CPED1: variants seen among roughly 807,000 people sequenced by gnomAD.
The protein encoded by CPED1 is cadherin like and PC-esterase domain containing 1.
Under a neutral mutation model 128.2 loss-of-function variants are expected in CPED1, and 114 were observed. The ratio of observed to expected loss-of-function variants is 0.89; its 90% CI spans 0.76 to 1.04. The LOEUF is 1.04. Ranked by LOEUF, CPED1 falls within the 50% of genes least tolerant of loss-of-function variation. CPED1 has a pLI of 0.00. For synonymous variants in CPED1, 462 were observed against 426.7 expected (o/e 1.08, Z -1.02); for missense variants, 1,211 against 1,207.1 (o/e 1.00, Z -0.05).
chr7:121,288,256 G>C (rs990228618), intron 22 of CPED1, among the ~76,000 whole-genome samples: 9 of 152,044 alleles, frequency 5.9e-5, no homozygotes, highest in African/African-American at 2.2e-4. Context: ...CTTAACAAAG[G>C]GATTAGGAAA....
At chr7:121,262,374 G>A (rs1792038549) in intron 18 of CPED1, among the ~76,000 whole-genome samples, 1 of 152,032 alleles carries the variant, frequency 6.6e-6, no homozygotes, top group Non-Finnish European at 1.5e-5. Context: ...AGCTTTTGTA[G>A]AGCCTAGGAA....
chr7:121,107,643 T>G (rs1416710779), intron 7 of CPED1, among the ~76,000 whole-genome samples: 1 of 152,092 alleles, frequency 6.6e-6, no homozygotes, highest in Non-Finnish European at 1.5e-5. Context: ...TCTCCAAAAA[T>G]TAATCGCTTT....
At chr7:121,055,173 G>C (rs2721345) in intron 4 of CPED1, among the ~76,000 whole-genome samples, 119,512 of 151,720 alleles carry the variant, frequency 0.79, 47,236 homozygotes, top group Admixed American at 0.86. Context: ...CCTTTGCATA[G>C]AGGTTTCTGT....
rs1795777144 is a variant in CPED1 at position 121,136,049 on chromosome 7, C to T, written c.1658C>T (p.Pro553Leu). 5 of 1,518,370 alleles carry T rather than the reference C, an allele frequency of 3.3e-6. No homozygotes were observed. The highest frequency in any genetic ancestry group is 2.7e-5 in the South Asian group (2 of 74,364). 94.1% of individuals were successfully genotyped at this position (1,518,370 alleles called of 1,614,324 possible). A position where few individuals can be genotyped will look rare whatever the true frequency, so the allele number is the denominator to read the frequency against. Residue 553 changes from proline (P) to leucine (L), a missense_variant, in exon 14 of 23, where the codon CCA (proline) becomes CTA (leucine). Transcript: ENST00000310396. The part of the protein sequence containing the change: ...DAIENKKAAV[P>L]QIKNENKEIH... ...TTCTTTTTTTTTTTAGCTGCAGTTC[C>T]ACAAATTAAAAATGAAAATAAAGAA...
chr7:121,258,781 A>G (rs896197630), intron 18 of CPED1, among the ~76,000 whole-genome samples: 1 of 152,098 alleles, frequency 6.6e-6, no homozygotes, highest in Non-Finnish European at 1.5e-5. Context: ...GCCTTCCTGA[A>G]GACTTTCAAT....
chr7:121,226,072 G>T (rs1798002837), intron 16 of CPED1, among the ~76,000 whole-genome samples: 1 of 152,142 alleles, frequency 6.6e-6, no homozygotes, highest in Admixed American at 6.5e-5. Context: ...CTGGTTTTTA[G>T]AATTTTCAGC....
chr7:121,079,837 C>T (rs1414797651), intron 5 of CPED1, among the ~76,000 whole-genome samples: 1 of 152,198 alleles, frequency 6.6e-6, no homozygotes, highest in Non-Finnish European at 1.5e-5. Flanking sequence ...AGACACTTAC[C>T]TATTTCACTT....
intron 16 of CPED1, among the ~76,000 whole-genome samples, chr7:121,223,126 T>C (rs1797923603): frequency 6.6e-6 from 1 of 152,242 alleles, no homozygotes; most frequent in African/African-American, 2.4e-5. Context: ...TTGAGATACG[T>C]TCCATCAATA....
intron 16 of CPED1, among the ~76,000 whole-genome samples, chr7:121,189,793 T>TATATATATATAA: frequency 1.4e-5 from 1 of 73,366 alleles, no homozygotes; most frequent in Non-Finnish European, 3.1e-5. Flanking sequence ...TATATATATA[T>TATATATATATAA]ATATAAAATT....
At position 121,124,422 on chromosome 7, in the gene CPED1, C is replaced by A. The variant is rs148370748; in HGVS notation, c.1010C>A (p.Ala337Glu). 1.9e-6 allele frequency: 3 copies of A among 1,606,624 alleles called. No individual in the cohort carries two copies. Among genetic ancestry groups the A allele is most frequent in the Non-Finnish European group, 2.6e-6 (3 of 1,175,712 alleles). The change falls in exon 8 of 23, where the codon GCG (alanine) becomes GAG (glutamate). Residue 337 changes from alanine to glutamate, a missense_variant. Physicochemically the swap from Ala to Glu is moderately radical, Grantham distance 107. Coordinates refer to ENST00000310396, the MANE Select transcript of CPED1 (RefSeq NM_024913.5). ...MKEAIGKLLLAAEVFSETSTL... is the reference protein window; with the variant it reads ...MKEAIGKLLLEAEVFSETSTL... ...GAAGCAATTGGCAAACTACTGCTAG[C>A]GGCTGAAGTATTCAGTGAAACATCT...
chr7:121,148,300 A>G (rs528548880), intron 16 of CPED1, among the ~76,000 whole-genome samples: 65 of 152,334 alleles, frequency 4.3e-4, no homozygotes, highest in Middle Eastern at 6.8e-3. Flanking sequence ...TACAAATAGC[A>G]GCAAAGCAGC....
chr7:121,128,574 A>AT (rs1477840847), intron 11 of CPED1, 88 bp downstream of exon 11: 2 of 717,518 alleles, frequency 2.8e-6, no homozygotes, highest in Admixed American at 4.4e-5. Flanking sequence ...ATCAAACTAG[A>AT]TTAAGTATTT....
At chr7:121,255,433 C>G (rs1798779633) in intron 18 of CPED1, among the ~76,000 whole-genome samples, 1 of 152,042 alleles carries the variant, frequency 6.6e-6, no homozygotes. Context: ...TAAGAGCCAT[C>G]TATGACAAAC....
intron 7 of CPED1, among the ~76,000 whole-genome samples, chr7:121,122,168 T>A (rs1248622952): frequency 6.4e-5 from 8 of 124,168 alleles, no homozygotes; most frequent in Non-Finnish European, 1.3e-4. Flanking sequence ...TGAGACAGAG[T>A]CTCGCTCTGT....
intron 7 of CPED1, among the ~76,000 whole-genome samples, chr7:121,121,121 A>G (rs1795376675): frequency 6.6e-6 from 1 of 152,126 alleles, no homozygotes; most frequent in South Asian, 2.1e-4. Context: ...AGAAATAATG[A>G]GGCGGAACCC....
intron 3 of CPED1, among the ~76,000 whole-genome samples, chr7:121,023,730 T>C (rs1044926439): frequency 6.6e-6 from 1 of 152,162 alleles, no homozygotes; most frequent in African/African-American, 2.4e-5. Flanking sequence ...CAGATGCTTC[T>C]GCTGGTAATT....
chr7:121,250,506 C>G (rs1322332984), intron 18 of CPED1, among the ~76,000 whole-genome samples: 1 of 151,954 alleles, frequency 6.6e-6, no homozygotes, highest in Non-Finnish European at 1.5e-5. Flanking sequence ...ACACAAAAAA[C>G]CCTTCAAAAA....
chr7:121,190,866 G>A (rs1004015508), intron 16 of CPED1, among the ~76,000 whole-genome samples: 1 of 152,076 alleles, frequency 6.6e-6, no homozygotes, highest in South Asian at 2.1e-4. Context: ...AAACCTGAAT[G>A]TGATGACAGG....
intron 18 of CPED1, among the ~76,000 whole-genome samples, chr7:121,248,623 C>A (rs544251031): frequency 1.4e-5 from 2 of 146,720 alleles, no homozygotes; most frequent in East Asian, 3.9e-4. Context: ...AGCATTAAGC[C>A]ACAAATAAAG....
Sources: gnomAD v4.1 joint callset for allele counts (sites outside exome capture counted in the v4.1 genomes callset) on GRCh38, gnomAD v4.1.1 for gene constraint, MANE v1.5 for transcripts, NCBI Gene and HGNC (gene_info 2026-07-23, HGNC 2026-07-21) for gene names.